Variants in ENO4 observed in about 807,000 individuals in gnomAD.
ENO4 encodes the protein 2-phospho-D-glycerate hydro-lyase.
In ENO4, 53 loss-of-function variants were observed where a neutral mutation model predicts 63.2. The observed-to-expected ratio is 0.84, with a 90% CI of 0.67 to 1.05. The LOEUF is 1.05. ENO4 is among the 50% of genes least tolerant of loss of function. The probability of loss-of-function intolerance (pLI) is 0.00; values close to 1 mark genes in which losing one functional copy is unlikely to be tolerated. For missense variants in ENO4, 719 were observed against 772.0 expected (o/e 0.93, Z 0.81); for synonymous variants, 266 against 283.8 (o/e 0.94, Z 0.63).
intron 9 of ENO4, 116 bp from the exon 10 acceptor site, chr10:116,873,960 G>T (rs1425031596): frequency 3.0e-6 from 4 of 1,335,158 alleles, no homozygotes; most frequent in South Asian, 3.9e-5. Context: ...GCCCTGAAAA[G>T]AACCTGTTTA....
At chr10:116,876,007 G>A (rs1846823530) in intron 10 of ENO4, 58 bp from the exon 11 acceptor site, 1 of 1,292,090 alleles carries the variant, frequency 7.7e-7, no homozygotes, top group East Asian at 2.6e-5. Context: ...TATTATTCCT[G>A]TTGTTTTGTA....
At chr10:116,890,816 T>C (rs1298846645) in intron 10 of ENO4, among the ~76,000 whole-genome samples, 2 of 152,180 alleles carry the variant, frequency 1.3e-5, no homozygotes, top group East Asian at 3.8e-4. Flanking sequence ...ATCAGAACAA[T>C]GGCAATGGCC....
intron 1 of ENO4, among the ~76,000 whole-genome samples, chr10:116,854,376 G>A (rs954310011): frequency 6.6e-6 from 1 of 151,696 alleles, no homozygotes; most frequent in Non-Finnish European, 1.5e-5. Context: ...TGGCCAACAT[G>A]TTGAAACCCC....
downstream of ENO4, chr10:116,911,951 TG>T: frequency 3.8e-6 from 3 of 783,620 alleles, no homozygotes; most frequent in Non-Finnish European, 6.6e-6. Flanking sequence ...GTAATATGTA[TG>T]ACTATATATA....
chr10:116,850,684 T>C lies in ENO4; in HGVS notation c.165+953T>C, dbSNP rs1846052957. On this transcript the variant is annotated intron_variant, in intron 1 of 13. Coordinates refer to ENST00000341276, the MANE Select transcript of ENO4 (RefSeq NM_001242699.2). ...ATATAAAGGATGTTCCGCGAATGAC[T>C]TTTTCCCACTCATGGCCTATACTAT... 3.3e-5 allele frequency among the ~76,000 whole-genome samples: 5 copies of C among 152,078 alleles called. No homozygotes were observed. The South Asian group carries it at 8.3e-4, about 25-fold the overall frequency.
chr10:116,902,429 A>G lies in ENO4; in HGVS notation c.1195-9070A>G, dbSNP rs191310596. Among the ~76,000 whole-genome samples the G allele has an allele frequency of 6.3e-3, 965 of 152,322 alleles. 8 individuals are homozygous for G. Among genetic ancestry groups the G allele is most frequent in the Middle Eastern group, 0.031 (9 of 294 alleles). On this transcript the variant is annotated intron_variant, in intron 10 of 10. Transcript: ENST00000369207. ...TGAGCATTAAACAGTTTTTATGAAC[A>G]TTTTCATTTTAATGTGAATGAGAAG... is the stretch of plus-strand genomic sequence containing the variant.
At chr10:116,868,489 G>A (rs1589757942) in intron 7 of ENO4, 161 bp from the exon 8 acceptor site, 1 of 718,544 alleles carries the variant, frequency 1.4e-6, no homozygotes, top group Non-Finnish European at 2.6e-6. Context: ...GGGAGTGGCT[G>A]GAATCATCCC....
At position 116,887,930 on chromosome 10, in the gene ENO4, C is replaced by T. The variant is rs76264567; in HGVS notation, c.1194+7944C>T. Among the ~76,000 whole-genome samples, 1,073 of 152,240 alleles carry T rather than the reference C, an allele frequency of 7.0e-3. 4 individuals carry two copies. Among genetic ancestry groups the T allele is most frequent in the Middle Eastern group, 0.048 (14 of 294 alleles). ...ATGATCAACTACTGAGCAAAAGTAA[C>T]CTGCATGACCCGGTCACGGGCACAA... is the stretch of plus-strand genomic sequence containing the variant. On this transcript the variant is annotated intron_variant, in intron 10 of 10. Coordinates refer to the ENO4 transcript ENST00000369207.
chr10:116,907,863 TGTTTG>T, intron 10 of ENO4: 1 of 517,534 alleles, frequency 1.9e-6, no homozygotes, highest in South Asian at 1.4e-5. Flanking sequence ...GCCTTTGTAA[TGTTTG>T]AACTCACTAA....
chr10:116,897,635 T>C (rs1414173693), intron 10 of ENO4, among the ~76,000 whole-genome samples: 1 of 152,220 alleles, frequency 6.6e-6, no homozygotes, highest in East Asian at 1.9e-4. Context: ...AGGAATTTAT[T>C]AAAATGCTTT....
Position 116,899,506 on chromosome 10 carries a change from G to GGTGTGTGTGTGT in ENO4, c.1195-11963_1195-11952dup, listed in dbSNP as rs370396879. Among the ~76,000 whole-genome samples, 443 of 124,542 alleles carry GGTGTGTGTGTGT rather than the reference G, an allele frequency of 3.6e-3. 3 individuals carry two copies. The highest frequency in any genetic ancestry group is 0.012 in the African/African-American group (407 of 34,148). 81.7% of individuals were successfully genotyped at this position (124,542 alleles called of 152,430 possible). A position where few individuals can be genotyped will look rare whatever the true frequency, so the allele number is the denominator to read the frequency against. On this transcript the variant is annotated intron_variant, in intron 10 of 10. Coordinates refer to the ENO4 transcript ENST00000369207. ...AAGGGAAGTTAGAGTGGCTGGGGCTGGTGTGTGTGTGTGTGTGTGTGTGTG... is the reference window on the plus strand; with the variant it reads ...AAGGGAAGTTAGAGTGGCTGGGGCTGGTGTGTGTGTGTGTGTGTGTGTGTGTGTGTGTGTGTG...
chr10:116,870,648 T>G (rs1261944543), intron 8 of ENO4, among the ~76,000 whole-genome samples: 1 of 151,662 alleles, frequency 6.6e-6, no homozygotes, highest in Non-Finnish European at 1.5e-5. Context: ...TCAAAACAAA[T>G]AAATAAATGA....
downstream of ENO4, chr10:116,886,708 G>A: frequency 8.7e-7 from 1 of 1,152,582 alleles, no homozygotes; most frequent in Admixed American, 2.7e-5. Flanking sequence ...TGAGATGCCA[G>A]CCATTTAAAA....
intron 8 of ENO4, among the ~76,000 whole-genome samples, chr10:116,869,040 T>C (rs1280340552): frequency 6.6e-6 from 1 of 152,150 alleles, no homozygotes; most frequent in Non-Finnish European, 1.5e-5. Flanking sequence ...GAAAGGCACA[T>C]AGGATGTTTT....
intron 7 of ENO4, chr10:116,864,275 C>A (rs1276138147): frequency 1.3e-5 from 2 of 152,174 alleles, no homozygotes; most frequent in Non-Finnish European, 2.9e-5. Flanking sequence ...GAGTTTGACA[C>A]CAGTCTGGCC....
At chr10:116,886,620 T>G, downstream of ENO4, 1 of 1,603,366 alleles carries the variant, frequency 6.2e-7, no homozygotes, top group Non-Finnish European at 8.5e-7. Context: ...AGAAAATAGT[T>G]GTCTCTGATA....
chr10:116,893,569 C>G (rs1589779606), intron 10 of ENO4, among the ~76,000 whole-genome samples: 1 of 149,394 alleles, frequency 6.7e-6, no homozygotes, highest in East Asian at 2.0e-4. Flanking sequence ...CTGATAGGCA[C>G]TCATGTGCAC....
At chr10:116,871,335 T>C in intron 9 of ENO4, 43 bp downstream of exon 9, 1 of 1,478,972 alleles carries the variant, frequency 6.8e-7, no homozygotes, top group South Asian at 1.3e-5. Context: ...TTGAGATCCA[T>C]GATTTTTAAA....
intron 12 of ENO4, 116 bp from the exon 13 acceptor site, chr10:116,879,753 G>T: frequency 1.3e-6 from 1 of 793,018 alleles, no homozygotes; most frequent in South Asian, 1.9e-5. Context: ...TAAAAAACTA[G>T]TAAGAGAAAA....
Sources: allele counts gnomAD v4.1 joint callset (sites outside exome capture counted in the v4.1 genomes callset), GRCh38; gene constraint gnomAD v4.1.1; transcripts MANE v1.5; gene names NCBI Gene and HGNC (gene_info 2026-07-23, HGNC 2026-07-21).